Variants in PCNX4 observed in about 807,000 individuals in gnomAD.
PCNX4 encodes the protein pecanex 4.
In PCNX4, 103 loss-of-function variants were observed where a neutral mutation model predicts 107.2. That is an observed-to-expected ratio of 0.96 (90% CI 0.82 to 1.13). The LOEUF (loss-of-function observed/expected upper bound fraction) is 1.13. Among genes scored for constraint, PCNX4 ranks in the 50% most tolerant of loss-of-function variants. The pLI is 0.00. For synonymous variants in PCNX4, 541 were observed against 481.7 expected, an observed-to-expected ratio of 1.12 and a Z score of -1.61; for missense variants, 1,528 against 1,379.4, an observed-to-expected ratio of 1.11 and a Z score of -1.71.
At chr14:60,112,058 A>G (rs893363396) in intron 2 of PCNX4, among the ~76,000 whole-genome samples, 1 of 152,208 alleles carries the variant, frequency 6.6e-6, no homozygotes, top group Non-Finnish European at 1.5e-5. Flanking sequence ...AGGGAGCAGA[A>G]GAGGCGAACC....
chr14:60,118,860 G>C (rs1455681168), intron 7 of PCNX4, among the ~76,000 whole-genome samples, 168 bp downstream of exon 7: 1 of 152,132 alleles, frequency 6.6e-6, no homozygotes, highest in African/African-American at 2.4e-5. Flanking sequence ...TTTATCTCCT[G>C]CTCCTTGTTT....
chr14:60,093,651 T>C (rs1412408589), intron 1 of PCNX4, among the ~76,000 whole-genome samples: 2 of 152,256 alleles, frequency 1.3e-5, no homozygotes, highest in Non-Finnish European at 2.9e-5. Flanking sequence ...ATGAATCTTT[T>C]GTGTACAGAT....
rs192382606 is a variant in PCNX4 at position 60,141,396 on chromosome 14, C to G, written c.*7175C>G. On this transcript the variant is annotated 3_prime_UTR_variant, in exon 11 of 11. Transcript: ENST00000406854. ...ATCCATAAACCTGTAGAAAGACTGA[C>G]AAAAAGAAAAAACACAAATCATTAT... The G allele has an allele frequency of 1.3e-5, 2 of 151,782 alleles. No homozygotes were observed. The highest frequency in any genetic ancestry group is 3.9e-4 in the East Asian group (2 of 5,172). The allele number at this position is 151,782 out of a possible 1,614,324, so 9.4% of individuals were successfully genotyped here.
rs191183768 is a variant in PCNX4, at chr14:60,108,279, T to C, written c.641T>C (p.Met214Thr). The C allele has an allele frequency of 1.4e-5, 22 of 1,611,684 alleles. No individual in the cohort carries two copies. In the East Asian group the frequency reaches 4.7e-4, roughly 34 times the overall value. ...GATACTTATGAAATTATTCCTCTTA[T>C]GAGACCTCTTTATATTTTTTTCTTT... is the stretch of plus-strand genomic sequence containing the variant. ...TQDTYEIIPL[M>T]RPLYIFFFVS... The change falls in exon 2 of 11, where the codon ATG (methionine) becomes ACG (threonine). Residue 214 changes from methionine to threonine, a missense_variant. Transcript: ENST00000406854.
At chr14:60,125,846 C>T (rs772910566) in intron 10 of PCNX4, 23 bp downstream of exon 10, 7 of 1,482,500 alleles carry the variant, frequency 4.7e-6, no homozygotes, top group Non-Finnish European at 6.4e-6. Context: ...AATTTTTAAA[C>T]TTACATATAC....
chr14:60,119,068 G>C (rs1251385458), intron 7 of PCNX4, among the ~76,000 whole-genome samples: 1 of 152,156 alleles, frequency 6.6e-6, no homozygotes, highest in African/African-American at 2.4e-5. Context: ...CGTTCATAAA[G>C]TTTAGTGAAA....
intron 1 of PCNX4, among the ~76,000 whole-genome samples, chr14:60,097,220 G>A (rs972148453): frequency 3.9e-5 from 6 of 152,220 alleles, no homozygotes; most frequent in South Asian, 2.1e-4. Context: ...GAGGGTGCCC[G>A]GAATCCTTCA....
intron 10 of PCNX4, 120 bp from the exon 11 acceptor site, chr14:60,133,850 A>G: frequency 1.0e-6 from 1 of 988,872 alleles, no homozygotes. Flanking sequence ...CTGTTTTTTG[A>G]ACTTGGGAAA....
chr14:60,093,522 T>G (rs1160370826), intron 1 of PCNX4, among the ~76,000 whole-genome samples: 1 of 152,242 alleles, frequency 6.6e-6, no homozygotes, highest in African/African-American at 2.4e-5. Flanking sequence ...TTGTAGAATG[T>G]ATGAGTACTT....
intron 1 of PCNX4, among the ~76,000 whole-genome samples, chr14:60,103,113 A>T (rs1043817776): frequency 6.6e-6 from 1 of 152,144 alleles, no homozygotes; most frequent in Admixed American, 6.5e-5. Context: ...AATTTCTCTG[A>T]TAGTTTTTTC....
At position 60,147,321 on chromosome 14, in the gene PCNX4, G is replaced by A. The variant is rs1054389768; in HGVS notation, c.*13100G>A. 3.3e-5 allele frequency: 5 copies of A among 152,080 alleles called. No homozygotes were observed. Among genetic ancestry groups the A allele is most frequent in the South Asian group, 2.1e-4 (1 of 4,818 alleles). The allele number at this position is 152,080 out of a possible 1,614,324, so 9.4% of individuals were successfully genotyped here. ...ACAGATTCTAAGGATCTAATATACC[G>A]CATGGTGACTACAGTTAATAATACT... On this transcript the variant is annotated 3_prime_UTR_variant, in exon 11 of 11. Coordinates refer to ENST00000406854, the MANE Select transcript of PCNX4 (RefSeq NM_001330177.2).
At chr14:60,106,564 A>G (rs1895633325) in intron 1 of PCNX4, among the ~76,000 whole-genome samples, 1 of 152,196 alleles carries the variant, frequency 6.6e-6, no homozygotes, top group Non-Finnish European at 1.5e-5. Flanking sequence ...ACTAAGACCA[A>G]TGACTGGAAG....
At chr14:60,101,310 G>A (rs1469308310) in intron 1 of PCNX4, among the ~76,000 whole-genome samples, 2 of 152,122 alleles carry the variant, frequency 1.3e-5, no homozygotes, top group Non-Finnish European at 2.9e-5. Flanking sequence ...TGAGGGCTGT[G>A]TCATGGGCTG....
In PCNX4 at chr14:60,136,126, T is replaced by TAA. The variant is rs1427798149; in HGVS notation, c.*1906_*1907insAA. 6.6e-6 allele frequency: 1 copy of TAA among 152,244 alleles called. No homozygotes were observed. The highest frequency in any genetic ancestry group is 1.9e-4 in the East Asian group (1 of 5,188). The allele number at this position is 152,244 out of a possible 1,614,324, so 9.4% of individuals were successfully genotyped here. A position where few individuals can be genotyped will look rare whatever the true frequency, so the allele number is the denominator to read the frequency against. ...CCAAATTAAAAAAAAAAAAAGTTTT[T>TAA]ATTAAGGTCACTATTGACCTTTTTA... On this transcript the variant is annotated 3_prime_UTR_variant, in exon 11 of 11. Transcript: ENST00000406854.
At position 60,121,283 on chromosome 14, in the gene PCNX4, G is replaced by A; in HGVS notation, c.2030G>A (p.Cys677Tyr). 2 of 1,594,620 alleles carry A rather than the reference G, an allele frequency of 1.3e-6. No homozygotes were observed. The highest frequency in any genetic ancestry group is 2.2e-5 in the South Asian group (2 of 90,092). ...ATTCTGGAATGTGGCTATACTTACTGCTCTATTAACATTAAGGTCAGTGTG... is the reference window on the plus strand; with the variant it reads ...ATTCTGGAATGTGGCTATACTTACTACTCTATTAACATTAAGGTCAGTGTG... ...IMILECGYTY[C>Y]SINIKGLELQ... Residue 677 changes from cysteine (C) to tyrosine (Y), a missense_variant, in exon 8 of 11, where the codon TGC (cysteine) becomes TAC (tyrosine). Physicochemically the swap from Cys to Tyr is radical, Grantham distance 194. Coordinates refer to ENST00000406854, the MANE Select transcript of PCNX4 (RefSeq NM_001330177.2).
At position 60,108,244 on chromosome 14, in the gene PCNX4, C is replaced by A; in HGVS notation, c.606C>A (p.Phe202Leu). Residue 202 changes from phenylalanine to leucine, a missense_variant, in exon 2 of 11, where the codon TTC (phenylalanine) becomes TTA (leucine). Phe to Leu is a conservative substitution (Grantham distance 22). Coordinates refer to ENST00000406854, the MANE Select transcript of PCNX4 (RefSeq NM_001330177.2). ...ACACAGCTACAGAGACTGCGACTTT[C>A]CAAACACAGGATACTTATGAAATTA... is the stretch of plus-strand genomic sequence containing the variant. ...IVNTATETAT[F>L]QTQDTYEIIP... 1.2e-6 allele frequency: 2 copies of A among 1,612,688 alleles called. No individual in the cohort carries two copies. Among genetic ancestry groups the A allele is most frequent in the South Asian group, 2.2e-5 (2 of 91,066 alleles).
intron 8 of PCNX4, among the ~76,000 whole-genome samples, chr14:60,121,898 A>G (rs1279004370): frequency 1.3e-5 from 2 of 152,156 alleles, no homozygotes; most frequent in South Asian, 4.1e-4. Context: ...TTACACAGCT[A>G]TTCTCTTCTT....
In PCNX4 at chr14:60,134,259, T is replaced by A. The variant is rs753812973; in HGVS notation, c.*38T>A. On this transcript the variant is annotated 3_prime_UTR_variant, in exon 11 of 11. Transcript: ENST00000406854. Reference sequence around the variant, plus strand: ...CTGTAATGTCATCAAATGCAATGTTTTTATTTTTTCATCCTAAAAAAGTAA... The same window carrying A: ...CTGTAATGTCATCAAATGCAATGTTATTATTTTTTCATCCTAAAAAAGTAA... 8.1e-6 allele frequency: 13 copies of A among 1,598,014 alleles called. No individual in the cohort carries two copies. In the African/African-American group the frequency reaches 1.8e-4, roughly 22 times the overall value.
Position 60,124,546 on chromosome 14 carries a change from C to T in PCNX4, c.2375C>T (p.Pro792Leu). The T allele has an allele frequency of 6.2e-7, 1 of 1,613,658 alleles. No individual in the cohort carries two copies. Among genetic ancestry groups the T allele is most frequent in the Non-Finnish European group, 8.5e-7 (1 of 1,179,744 alleles). ...VHNTENKGKAPLMLPALNTLP... is the reference protein window; with the variant it reads ...VHNTENKGKALLMLPALNTLP... ...AACACTGAAAATAAAGGGAAAGCAC[C>T]TCTAATGTTGCCTGCTTTGAACACT... Residue 792 changes from proline (P) to leucine (L), a missense_variant, in exon 9 of 11, where the codon CCT (proline) becomes CTT (leucine). Physicochemically the swap from Pro to Leu is moderately conservative, Grantham distance 98. Coordinates refer to ENST00000406854, the MANE Select transcript of PCNX4 (RefSeq NM_001330177.2).
Sources: gnomAD v4.1 joint callset for allele counts (sites outside exome capture counted in the v4.1 genomes callset) on GRCh38, gnomAD v4.1.1 for gene constraint, MANE v1.5 for transcripts, NCBI Gene and HGNC (gene_info 2026-07-23, HGNC 2026-07-21) for gene names.